Variants in RAPGEF5 observed in about 807,000 individuals in gnomAD.
RAPGEF5 encodes Rap guanine nucleotide exchange factor 5, also known as M-Ras-regulated GEF.
Under a neutral mutation model 125.2 loss-of-function variants are expected in RAPGEF5, and 65 were observed. That is an observed-to-expected ratio of 0.52 (90% CI 0.43 to 0.64). The LOEUF is 0.64. RAPGEF5 is among the 30% of genes least tolerant of loss of function. The pLI is 0.00. For synonymous variants in RAPGEF5, 391 were observed against 385.9 expected (o/e 1.01, Z -0.16); for missense variants, 958 against 1,048.1 (o/e 0.91, Z 1.19).
intron 8 of RAPGEF5, 69 bp from the exon 9 acceptor site, chr7:22,220,060 G>A: frequency 6.5e-7 from 1 of 1,544,680 alleles, no homozygotes; most frequent in Non-Finnish European, 8.9e-7. Flanking sequence ...CCACCGCAAA[G>A]TTCACCTTAT....
intron 24 of RAPGEF5, among the ~76,000 whole-genome samples, chr7:22,129,157 G>A (rs890920339): frequency 2.0e-5 from 3 of 151,980 alleles, no homozygotes; most frequent in African/African-American, 7.3e-5. Context: ...GACTTGTTCA[G>A]GTTTTTTTTT....
chr7:22,265,027 C>T lies in RAPGEF5; in HGVS notation c.796+1937G>A, dbSNP rs185359572. 1.1e-4 allele frequency among the ~76,000 whole-genome samples: 17 copies of T among 152,158 alleles called. 1 individual carries two copies. The highest frequency in any genetic ancestry group is 3.6e-4 in the African/African-American group (15 of 41,522). ...AATAATTGTACATATTTGTATGGTA[C>T]ATGATATTTTAATACATGCAAATAT... On this transcript the variant is annotated intron_variant, in intron 7 of 25. Transcript: ENST00000665637.
chr7:22,186,628 G>A (rs1404213060), intron 11 of RAPGEF5, among the ~76,000 whole-genome samples: 5 of 152,152 alleles, frequency 3.3e-5, no homozygotes, highest in Non-Finnish European at 7.3e-5. Flanking sequence ...CAGTGCCTAT[G>A]CATTTGGAGG....
At chr7:22,149,557 G>C (rs1286399004) in intron 18 of RAPGEF5, among the ~76,000 whole-genome samples, 1 of 152,188 alleles carries the variant, frequency 6.6e-6, no homozygotes, top group Non-Finnish European at 1.5e-5. Flanking sequence ...CTTAGGCATA[G>C]GTGTTCTTAA....
chr7:22,328,381 T>C (rs1783853901), intron 1 of RAPGEF5, among the ~76,000 whole-genome samples: 1 of 152,232 alleles, frequency 6.6e-6, no homozygotes, highest in Non-Finnish European at 1.5e-5. Context: ...AAACTGGAAC[T>C]ATTCAACTGT....
At chr7:22,194,731 G>C in intron 9 of RAPGEF5, 1 of 985,424 alleles carries the variant, frequency 1.0e-6, no homozygotes, top group Non-Finnish European at 1.2e-6. Flanking sequence ...CTTCACCTCA[G>C]TCCCTTTTTA....
intron 8 of RAPGEF5, among the ~76,000 whole-genome samples, chr7:22,224,664 G>A (rs1785873581): frequency 6.6e-6 from 1 of 152,004 alleles, no homozygotes; most frequent in Non-Finnish European, 1.5e-5. Flanking sequence ...AGACAGTGGT[G>A]GGACACATAT....
In RAPGEF5 at chr7:22,357,075, G is replaced by A. The variant is rs1403138345; in HGVS notation, c.-15C>T. ...GCCATCCTCATGCCCTGACGGCGCT[G>A]CGGCGCCGGGGGCTCCTCTCCACCG... is the stretch of plus-strand genomic sequence containing the variant. On this transcript the variant is annotated 5_prime_UTR_variant, in exon 1 of 26. Coordinates refer to ENST00000665637, the MANE Select transcript of RAPGEF5 (RefSeq NM_012294.5). The A allele has an allele frequency of 1.9e-6, 2 of 1,033,422 alleles. No individual in the cohort carries two copies. The highest frequency in any genetic ancestry group is 1.2e-6 in the Non-Finnish European group (1 of 861,842). The allele number at this position is 1,033,422 out of a possible 1,614,324, so 64.0% of individuals were successfully genotyped here.
intron 6 of RAPGEF5, among the ~76,000 whole-genome samples, chr7:22,282,850 C>T (rs1782705876): frequency 6.6e-6 from 1 of 151,964 alleles, no homozygotes; most frequent in Non-Finnish European, 1.5e-5. Context: ...TTCATAACAG[C>T]AAAAGAGTGA....
At chr7:22,268,328 G>A (rs2128142090) in intron 6 of RAPGEF5, among the ~76,000 whole-genome samples, 1 of 152,248 alleles carries the variant, frequency 6.6e-6, no homozygotes, top group East Asian at 1.9e-4. Context: ...GCTCACAGTT[G>A]GAAAGTTTAC....
intron 21 of RAPGEF5, among the ~76,000 whole-genome samples, chr7:22,139,114 C>T (rs1043979702): frequency 2.0e-5 from 3 of 152,046 alleles, no homozygotes; most frequent in Non-Finnish European, 2.9e-5. Flanking sequence ...AGACCTATTC[C>T]GAGAAAAAGA....
At chr7:22,223,982 T>C (rs1431716130) in intron 8 of RAPGEF5, among the ~76,000 whole-genome samples, 1 of 152,166 alleles carries the variant, frequency 6.6e-6, no homozygotes, top group African/African-American at 2.4e-5. Context: ...ACTGCCCAAT[T>C]CTGCAAGAGA....
chr7:22,246,527 T>A (rs1048940212), intron 7 of RAPGEF5, among the ~76,000 whole-genome samples: 1 of 152,110 alleles, frequency 6.6e-6, no homozygotes, highest in East Asian at 1.9e-4. Flanking sequence ...CTAGCCAATA[T>A]ACAAAAGAAT....
At chr7:22,304,109 T>C (rs1277354179) in intron 5 of RAPGEF5, among the ~76,000 whole-genome samples, 1 of 152,120 alleles carries the variant, frequency 6.6e-6, no homozygotes, top group African/African-American at 2.4e-5. Context: ...AGCCAAAGCT[T>C]AGATCTCCAA....
intron 6 of RAPGEF5, among the ~76,000 whole-genome samples, chr7:22,275,312 A>C (rs1782531489): frequency 6.6e-6 from 1 of 152,164 alleles, no homozygotes; most frequent in Admixed American, 6.6e-5. Flanking sequence ...GCTGAAATGG[A>C]CTTCTTTATT....
intron 7 of RAPGEF5, among the ~76,000 whole-genome samples, chr7:22,241,582 C>T (rs1786331922): frequency 6.6e-6 from 1 of 152,126 alleles, no homozygotes; most frequent in African/African-American, 2.4e-5. Flanking sequence ...ATCAACTCAC[C>T]AAGTTTCAAT....
intron 7 of RAPGEF5, among the ~76,000 whole-genome samples, chr7:22,257,905 A>G (rs1321073496): frequency 4.6e-5 from 7 of 152,216 alleles, no homozygotes. Flanking sequence ...AAGAATGACA[A>G]CTATCATTGA....
At chr7:22,309,880 G>C in intron 4 of RAPGEF5, 89 bp downstream of exon 4, 2 of 1,361,182 alleles carry the variant, frequency 1.5e-6, no homozygotes, top group South Asian at 2.9e-5. Context: ...TTTCCATCCA[G>C]ACTGTAACAT....
chr7:22,248,621 T>C (rs541721587), intron 7 of RAPGEF5, among the ~76,000 whole-genome samples: 1 of 152,280 alleles, frequency 6.6e-6, no homozygotes, highest in African/African-American at 2.4e-5. Context: ...TAATCTCCTA[T>C]TTCCTTAACC....
Sources: allele counts gnomAD v4.1 joint callset (sites outside exome capture counted in the v4.1 genomes callset), GRCh38; gene constraint gnomAD v4.1.1; transcripts MANE v1.5; gene names NCBI Gene and HGNC (gene_info 2026-07-23, HGNC 2026-07-21).